Variants in CTNND2 observed in about 807,000 individuals in gnomAD.
CTNND2 encodes catenin delta 2.
CTNND2 carries 22 observed loss-of-function variants against 144.4 expected under a neutral mutation model. The observed-to-expected ratio is 0.15, with a 90% CI of 0.11 to 0.22. The LOEUF (loss-of-function observed/expected upper bound fraction) is 0.22. CTNND2 is among the 10% of genes least tolerant of loss of function. CTNND2 has a pLI of 1.00. For synonymous variants in CTNND2, 751 were observed against 695.6 expected, an observed-to-expected ratio of 1.08 and a Z score of -1.25; for missense variants, 1,353 against 1,618.8, an observed-to-expected ratio of 0.84 and a Z score of 2.82.
Position 11,486,381 on chromosome 5 carries a change from C to A in CTNND2, c.288-74312G>T, listed in dbSNP as rs1182455074. Among the ~76,000 whole-genome samples, 4 of 152,256 alleles carry A rather than the reference C, an allele frequency of 2.6e-5. No individual in the cohort carries two copies. In the South Asian group the frequency reaches 8.3e-4, roughly 32 times the overall value. On this transcript the variant is annotated intron_variant, in intron 3 of 21. Transcript: ENST00000304623. ...TCGCACTAGGTGATAATATCCAGTG[C>A]TAATCTGCATGGGGCCTGGATGGGA... is the stretch of plus-strand genomic sequence containing the variant.
intron 2 of CTNND2, among the ~76,000 whole-genome samples, chr5:11,580,668 T>C (rs1411426481): frequency 6.6e-6 from 1 of 152,238 alleles, no homozygotes; most frequent in Non-Finnish European, 1.5e-5. Flanking sequence ...TCAATGAAAG[T>C]TGACAACAAA....
At chr5:11,332,158 C>G (rs1753218205) in intron 9 of CTNND2, among the ~76,000 whole-genome samples, 1 of 151,780 alleles carries the variant, frequency 6.6e-6, no homozygotes, top group Admixed American at 6.6e-5. Flanking sequence ...ACCTGTAATC[C>G]CAGCTACTTG....
chr5:11,174,668 G>A (rs529000734), intron 11 of CTNND2, among the ~76,000 whole-genome samples: 1 of 152,288 alleles, frequency 6.6e-6, no homozygotes, highest in East Asian at 1.9e-4. Flanking sequence ...TTAGCCAGTT[G>A]ATCATTATGG....
chr5:11,042,694 G>A (rs1356983342), intron 16 of CTNND2, among the ~76,000 whole-genome samples: 1 of 152,186 alleles, frequency 6.6e-6, no homozygotes, highest in Admixed American at 6.5e-5. Context: ...GTCTTTGGTG[G>A]CTTTAGGTCA....
chr5:11,124,065 C>A (rs900186817), intron 12 of CTNND2, among the ~76,000 whole-genome samples: 1 of 152,070 alleles, frequency 6.6e-6, no homozygotes, highest in African/African-American at 2.4e-5. Context: ...ATTTTTTGAC[C>A]ATGTAATTAC....
At position 11,691,373 on chromosome 5, in the gene CTNND2, A is replaced by AAAAATAAAATAAAATAAAAT. The variant is rs376221473; in HGVS notation, c.174+40743_174+40762dup. On this transcript the variant is annotated intron_variant, in intron 2 of 21. Transcript: ENST00000304623. ...GGCGACAGAGCGAGACTCTGTCTCA[A>AAAAATAAAATAAAATAAAAT]AAAATAAAATAAAATAAAATAAAAT... Among the ~76,000 whole-genome samples the AAAAATAAAATAAAATAAAAT allele has an allele frequency of 3.3e-3, 481 of 146,320 alleles. 4 individuals are homozygous for AAAAATAAAATAAAATAAAAT. The highest frequency in any genetic ancestry group is 0.012 in the African/African-American group (457 of 38,558).
intron 14 of CTNND2, among the ~76,000 whole-genome samples, chr5:11,109,427 G>T (rs189383467): frequency 2.2e-4 from 34 of 152,068 alleles, no homozygotes; most frequent in Non-Finnish European, 4.3e-4. Context: ...AGCTAAATTT[G>T]ACATGCAGAA....
intron 2 of CTNND2, among the ~76,000 whole-genome samples, chr5:11,628,769 G>A (rs76480843): frequency 0.015 from 2,233 of 151,316 alleles, 60 homozygotes; most frequent in African/African-American, 0.052. Flanking sequence ...GGATGGGAAA[G>A]TGTCCAAAAA....
intron 16 of CTNND2, among the ~76,000 whole-genome samples, chr5:11,078,638 T>C (rs2973520): frequency 0.77 from 116,486 of 152,132 alleles, 45,657 homozygotes; most frequent in African/African-American, 0.93. Flanking sequence ...AAAACACACA[T>C]ACAAACACAC....
intron 3 of CTNND2, among the ~76,000 whole-genome samples, chr5:11,469,040 C>T (rs78202158): frequency 0.043 from 6,490 of 152,172 alleles, 434 homozygotes; most frequent in African/African-American, 0.14. Flanking sequence ...CATGGGAGAA[C>T]GTTTTCCTCA....
chr5:11,175,233 T>C (rs1299375251), intron 11 of CTNND2, among the ~76,000 whole-genome samples: 1 of 152,144 alleles, frequency 6.6e-6, no homozygotes, highest in Admixed American at 6.5e-5. Context: ...AAAAAGTGCA[T>C]GTTTTTGGTA....
At chr5:11,302,065 C>T (rs527269056) in intron 9 of CTNND2, among the ~76,000 whole-genome samples, 7 of 152,226 alleles carry the variant, frequency 4.6e-5, no homozygotes, top group East Asian at 3.9e-4. Flanking sequence ...AGGTAACTGT[C>T]GAATCAGAAA....
At chr5:11,529,082 C>T (rs1016346048) in intron 3 of CTNND2, among the ~76,000 whole-genome samples, 1 of 152,156 alleles carries the variant, frequency 6.6e-6, no homozygotes, top group Non-Finnish European at 1.5e-5. Context: ...ATGCGGAAAA[C>T]AGGGACACAA....
At chr5:11,108,967 A>G (rs1293202570) in intron 14 of CTNND2, among the ~76,000 whole-genome samples, 1 of 152,172 alleles carries the variant, frequency 6.6e-6, no homozygotes, top group Non-Finnish European at 1.5e-5. Context: ...CTGGACCCCA[A>G]TCTTCGGATT....
intron 3 of CTNND2, among the ~76,000 whole-genome samples, chr5:11,437,083 G>A (rs544181295): frequency 1.1e-4 from 16 of 152,138 alleles, no homozygotes; most frequent in African/African-American, 3.9e-4. Flanking sequence ...ATGCTTTTTC[G>A]GCATATGCAT....
At chr5:11,011,540 C>G (rs768223425) in intron 18 of CTNND2, among the ~76,000 whole-genome samples, 1 of 152,128 alleles carries the variant, frequency 6.6e-6, no homozygotes, top group African/African-American at 2.4e-5. Flanking sequence ...TTAATTCATT[C>G]GGAGAGATAC....
At chr5:11,739,202 C>T (rs1160146388) in intron 1 of CTNND2, among the ~76,000 whole-genome samples, 2 of 152,186 alleles carry the variant, frequency 1.3e-5, no homozygotes, top group Non-Finnish European at 2.9e-5. Flanking sequence ...GTAGTAAATT[C>T]TCTGATGTAA....
At chr5:11,099,354 T>G (rs1270127008) in intron 14 of CTNND2, among the ~76,000 whole-genome samples, 1 of 152,220 alleles carries the variant, frequency 6.6e-6, no homozygotes, top group Non-Finnish European at 1.5e-5. Context: ...GCAATCATGA[T>G]AGTTAAGTTT....
intron 3 of CTNND2, among the ~76,000 whole-genome samples, chr5:11,513,612 A>G (rs1771859142): frequency 6.6e-6 from 1 of 152,190 alleles, no homozygotes; most frequent in South Asian, 2.1e-4. Flanking sequence ...AAAATATGTA[A>G]CTGAAGATCC....
Sources: gnomAD v4.1 joint callset for allele counts (sites outside exome capture counted in the v4.1 genomes callset) on GRCh38, gnomAD v4.1.1 for gene constraint, MANE v1.5 for transcripts, NCBI Gene and HGNC (gene_info 2026-07-23, HGNC 2026-07-21) for gene names.